The following THSD7A variants were observed in gnomAD, a reference collection of about 807,000 sequenced individuals.
THSD7A encodes thrombospondin type 1 domain containing 7A, also known as thrombospondin type-1 domain-containing protein 7A.
A neutral mutation model predicts 231.3 loss-of-function variants in THSD7A; 96 were observed. The ratio of observed to expected loss-of-function variants is 0.41; its 90% CI spans 0.35 to 0.49. The LOEUF (loss-of-function observed/expected upper bound fraction) is 0.49, where lower values mean the gene tolerates loss of function less well. Ranked by LOEUF, THSD7A falls within the 20% of genes least tolerant of loss-of-function variation. The pLI, the probability that THSD7A is intolerant of heterozygous loss-of-function variation, is 0.05. For synonymous variants in THSD7A, 940 were observed against 743.3 expected (o/e 1.26, Z -4.30); for missense variants, 2,290 against 2,070.2 (o/e 1.11, Z -2.06).
chr7:11,523,764 C>G (rs1397738199), intron 6 of THSD7A, among the ~76,000 whole-genome samples: 1 of 152,084 alleles, frequency 6.6e-6, no homozygotes, highest in Non-Finnish European at 1.5e-5. Context: ...GTAGTAATTA[C>G]TAGAATAATA....
intron 6 of THSD7A, among the ~76,000 whole-genome samples, chr7:11,524,538 A>G (rs1788393726): frequency 6.6e-6 from 1 of 152,202 alleles, no homozygotes; most frequent in Non-Finnish European, 1.5e-5. Flanking sequence ...TCGACTTTAA[A>G]AGACCGATGA....
chr7:11,415,586 T>C (rs531591190), intron 17 of THSD7A, among the ~76,000 whole-genome samples: 1 of 152,276 alleles, frequency 6.6e-6, no homozygotes, highest in East Asian at 1.9e-4. Context: ...ATTACCTTTT[T>C]CTCTTCGAAC....
intron 1 of THSD7A, among the ~76,000 whole-genome samples, chr7:11,652,752 A>G (rs1782553144): frequency 6.6e-6 from 1 of 151,974 alleles, no homozygotes; most frequent in African/African-American, 2.4e-5. Flanking sequence ...GGCAAACTCC[A>G]TGTGTCTAAA....
At chr7:11,521,292 T>C (rs1309205226) in intron 6 of THSD7A, among the ~76,000 whole-genome samples, 5 of 152,038 alleles carry the variant, frequency 3.3e-5, no homozygotes, top group Admixed American at 2.6e-4. Flanking sequence ...CTTAGAACTT[T>C]TAAGAGTTAA....
chr7:11,558,659 A>AT (rs1194438787), intron 4 of THSD7A, among the ~76,000 whole-genome samples: 1 of 152,216 alleles, frequency 6.6e-6, no homozygotes, highest in African/African-American at 2.4e-5. Context: ...AAAGAAAGTG[A>AT]TCACAAAACT....
intron 9 of THSD7A, among the ~76,000 whole-genome samples, chr7:11,467,810 T>G (rs1785771412): frequency 6.6e-6 from 1 of 151,938 alleles, no homozygotes; most frequent in Non-Finnish European, 1.5e-5. Flanking sequence ...CAAATGTGTT[T>G]TCAAGAACTT....
At chr7:11,663,821 T>C (rs1783023349) in intron 1 of THSD7A, among the ~76,000 whole-genome samples, 1 of 151,718 alleles carries the variant, frequency 6.6e-6, no homozygotes, top group African/African-American at 2.4e-5. Context: ...AGACTATATA[T>C]ACAAGAATCT....
intron 4 of THSD7A, among the ~76,000 whole-genome samples, chr7:11,570,281 G>A (rs183655391): frequency 6.6e-6 from 1 of 152,300 alleles, no homozygotes; most frequent in Non-Finnish European, 1.5e-5. Context: ...TCACTCATAT[G>A]GTGGGAGCTA....
intron 1 of THSD7A, among the ~76,000 whole-genome samples, chr7:11,708,834 G>T (rs1780854506): frequency 1.3e-5 from 2 of 150,808 alleles, no homozygotes; most frequent in South Asian, 2.1e-4. Flanking sequence ...AGTCCTTAAA[G>T]AATTTAGATG....
At chr7:11,481,668 T>C in intron 7 of THSD7A, 120 bp downstream of exon 7, 11 of 1,077,154 alleles carry the variant, frequency 1.0e-5, no homozygotes, top group Non-Finnish European at 1.4e-5. Flanking sequence ...TATTAAATCT[T>C]GGATGGCTGA....
Position 11,412,815 on chromosome 7 carries a change from T to C in THSD7A, c.3538-15A>G. 1 of 1,605,192 alleles carries C rather than the reference T, an allele frequency of 6.2e-7. No individual in the cohort carries two copies. The highest frequency in any genetic ancestry group is 8.5e-7 in the Non-Finnish European group (1 of 1,175,214). ...TGATTGCAAGGCTTAAAAAGAACAG[T>C]ACAAATTCTCAGAAAGGTGAATACT... On this transcript the variant is annotated splice_polypyrimidine_tract_variant and intron_variant, in intron 17 of 27. Coordinates refer to ENST00000423059, the MANE Select transcript of THSD7A (RefSeq NM_015204.3).
chr7:11,618,026 G>A (rs979237811), intron 2 of THSD7A, among the ~76,000 whole-genome samples: 1 of 152,180 alleles, frequency 6.6e-6, no homozygotes, highest in Non-Finnish European at 1.5e-5. Context: ...CACCTTTTGT[G>A]AAAGCATCTA....
intron 1 of THSD7A, among the ~76,000 whole-genome samples, chr7:11,671,923 A>G (rs775408938): frequency 7.2e-5 from 11 of 152,150 alleles, no homozygotes; most frequent in Non-Finnish European, 1.2e-4. Context: ...AAGTAATATT[A>G]AGAAAGAACA....
intron 6 of THSD7A, among the ~76,000 whole-genome samples, chr7:11,495,151 C>T (rs1164881106): frequency 6.6e-6 from 1 of 151,980 alleles, no homozygotes; most frequent in Non-Finnish European, 1.5e-5. Flanking sequence ...ACATTATATT[C>T]ACTAGAAAAG....
At chr7:11,736,085 A>G (rs915493751) in intron 1 of THSD7A, among the ~76,000 whole-genome samples, 7 of 151,954 alleles carry the variant, frequency 4.6e-5, no homozygotes, top group African/African-American at 7.2e-5. Context: ...CTAGATTTTC[A>G]TATTAATATC....
At chr7:11,488,134 T>C (rs1786737003) in intron 6 of THSD7A, among the ~76,000 whole-genome samples, 1 of 152,190 alleles carries the variant, frequency 6.6e-6, no homozygotes, top group Non-Finnish European at 1.5e-5. Flanking sequence ...CCCAGGATTG[T>C]AATTTTGAGA....
intron 11 of THSD7A, among the ~76,000 whole-genome samples, chr7:11,453,619 C>T (rs1785213899): frequency 6.6e-6 from 1 of 151,928 alleles, no homozygotes; most frequent in Admixed American, 6.6e-5. Flanking sequence ...AAAATATTAA[C>T]TCTAGTTCCA....
chr7:11,686,879 C>T (rs1200327175), intron 1 of THSD7A, among the ~76,000 whole-genome samples: 1 of 151,670 alleles, frequency 6.6e-6, no homozygotes, highest in East Asian at 2.0e-4. Flanking sequence ...ACGTTTAGTA[C>T]CTTGGTGACA....
chr7:11,719,921 C>T (rs1583221978), intron 1 of THSD7A, among the ~76,000 whole-genome samples: 1 of 151,692 alleles, frequency 6.6e-6, no homozygotes, highest in East Asian at 2.0e-4. Context: ...TCTACTTTCT[C>T]CTTAACTATA....
Sources: gnomAD v4.1 joint callset for allele counts (sites outside exome capture counted in the v4.1 genomes callset) on GRCh38, gnomAD v4.1.1 for gene constraint, MANE v1.5 for transcripts, NCBI Gene and HGNC (gene_info 2026-07-23, HGNC 2026-07-21) for gene names.